The following PDCD1 variants were observed in gnomAD, a reference collection of about 807,000 sequenced individuals.
PDCD1 encodes programmed cell death 1, also known as programmed cell death protein 1.
PDCD1 carries 10 observed loss-of-function variants against 23.6 expected under a neutral mutation model. The observed-to-expected ratio is 0.42, with a 90% CI of 0.26 to 0.72. PDCD1 has a LOEUF of 0.72. PDCD1 is among the 30% of genes least tolerant of loss of function. PDCD1 has a pLI of 0.24. For synonymous variants in PDCD1, 168 were observed against 169.3 expected (o/e 0.99, Z 0.06); for missense variants, 313 against 397.8 (o/e 0.79, Z 1.81).
At chr2:241,858,080 C>A (rs942831112) in intron 1 of PDCD1, among the ~76,000 whole-genome samples, 4 of 152,184 alleles carry the variant, frequency 2.6e-5, no homozygotes, top group Non-Finnish European at 5.9e-5. Context: ...AGGCCTCCCC[C>A]ACGGATGGTC....
intron 1 of PDCD1, among the ~76,000 whole-genome samples, chr2:241,855,464 G>C (rs1388209858): frequency 6.6e-6 from 1 of 152,246 alleles, no homozygotes; most frequent in South Asian, 2.1e-4. Context: ...TAGATTTGGG[G>C]TGTTTCTATG....
Position 241,850,974 on chromosome 2 carries a change from A to G in PDCD1, c.*84T>C. The G allele has an allele frequency of 2.6e-6, 4 of 1,516,458 alleles. No individual in the cohort carries two copies. The South Asian group carries it at 3.9e-5, about 15-fold the overall frequency. The allele number at this position is 1,516,458 out of a possible 1,614,324, so 93.9% of individuals were successfully genotyped here. ...CCCTGGACGGCCTGCAATGGCCTGC[A>G]CCCTGCCTGCTTCTCCTGAGGAAAT... On this transcript the variant is annotated 3_prime_UTR_variant, in exon 5 of 5. Transcript: ENST00000334409.
chr2:241,850,976 C>G lies in PDCD1; in HGVS notation c.*82G>C. ...CTGGACGGCCTGCAATGGCCTGCAC[C>G]CTGCCTGCTTCTCCTGAGGAAATGC... is the stretch of plus-strand genomic sequence containing the variant. On this transcript the variant is annotated 3_prime_UTR_variant, in exon 5 of 5. Transcript: ENST00000334409. 6.6e-7 allele frequency: 1 copy of G among 1,520,424 alleles called. No individual in the cohort carries two copies. 94.2% of individuals were successfully genotyped at this position (1,520,424 alleles called of 1,614,324 possible).
At chr2:241,855,667 G>A (rs754052371) in intron 1 of PDCD1, among the ~76,000 whole-genome samples, 14 of 152,194 alleles carry the variant, frequency 9.2e-5, no homozygotes, top group African/African-American at 2.4e-4. Context: ...TTCCAGAAGC[G>A]CACAGAAGAA....
In PDCD1 at chr2:241,850,874, G is replaced by A; in HGVS notation, c.*184C>T. 1 of 712,036 alleles carries A rather than the reference G, an allele frequency of 1.4e-6. No individual in the cohort carries two copies. Among genetic ancestry groups the A allele is most frequent in the Non-Finnish European group, 2.3e-6 (1 of 432,562 alleles). 44.1% of individuals were successfully genotyped at this position (712,036 alleles called of 1,614,324 possible). On this transcript the variant is annotated 3_prime_UTR_variant, in exon 5 of 5. Transcript: ENST00000334409. ...TGCCTGGGCTCACTGTGGGCATTGA[G>A]ACATGAGTCCTGTGGTGGGGCTGTG...
intron 3 of PDCD1, 21 bp from the exon 4 acceptor site, chr2:241,852,004 G>A: frequency 6.2e-7 from 1 of 1,612,048 alleles, no homozygotes; most frequent in Admixed American, 1.7e-5. Context: ...ACACACTTGG[G>A]GTCACCAGGC....
At chr2:241,858,066 G>T (rs189790924) in intron 1 of PDCD1, among the ~76,000 whole-genome samples, 5 of 152,280 alleles carry the variant, frequency 3.3e-5, no homozygotes, top group East Asian at 3.9e-4. Context: ...GGAGAGTGAG[G>T]CCAAGGCCTC....
At position 241,851,313 on chromosome 2, in the gene PDCD1, G is replaced by C. The variant is rs1305223826; in HGVS notation, c.628-16C>G. Reference sequence around the variant, plus strand: ...GGTCCTCCTTCTTTGAGGAGAAAGGGAGAGGGAGTCAGCCCCACGGCCCAC... The same window carrying C: ...GGTCCTCCTTCTTTGAGGAGAAAGGCAGAGGGAGTCAGCCCCACGGCCCAC... On this transcript the variant is annotated splice_polypyrimidine_tract_variant and intron_variant, in intron 4 of 4. Transcript: ENST00000334409. 14 of 1,593,056 alleles carry C rather than the reference G, an allele frequency of 8.8e-6. No individual in the cohort carries two copies. Among genetic ancestry groups the C allele is most frequent in the Non-Finnish European group, 1.2e-5 (14 of 1,167,046 alleles).
At chr2:241,857,212 C>T (rs755472371) in intron 1 of PDCD1, among the ~76,000 whole-genome samples, 25 of 152,198 alleles carry the variant, frequency 1.6e-4, no homozygotes, top group African/African-American at 3.1e-4. Flanking sequence ...AAGACCACTG[C>T]GGCCGGGGTG....
rs1290292819 is a variant in PDCD1, at chr2:241,850,031, G to C, written c.*1027C>G. ...GTGGGGGTGCAGTGTGTGGATGTGA[G>C]GAGTGGATAGGCCACGGCGGGGGTA... On this transcript the variant is annotated 3_prime_UTR_variant, in exon 5 of 5. Coordinates refer to ENST00000334409, the MANE Select transcript of PDCD1 (RefSeq NM_005018.3). The C allele has an allele frequency of 8.8e-6, 2 of 227,212 alleles. No homozygotes were observed. Among genetic ancestry groups the C allele is most frequent in the East Asian group, 6.2e-5 (1 of 16,022 alleles). 14.1% of individuals were successfully genotyped at this position (227,212 alleles called of 1,614,324 possible).
intron 1 of PDCD1, among the ~76,000 whole-genome samples, chr2:241,856,473 A>G (rs1449322838): frequency 2.0e-5 from 3 of 152,214 alleles, no homozygotes; most frequent in Non-Finnish European, 4.4e-5. Flanking sequence ...ACGTTTTTGT[A>G]TATTTTTCAA....
chr2:241,853,521 G>A (rs7420347), intron 1 of PDCD1, among the ~76,000 whole-genome samples: 2 of 152,186 alleles, frequency 1.3e-5, no homozygotes, highest in South Asian at 4.1e-4. Context: ...CCTGGGCAGT[G>A]GGCAGTGGGG....
At chr2:241,852,470 G>A (rs1277828059) in intron 2 of PDCD1, 117 bp from the exon 3 acceptor site, 3 of 1,161,012 alleles carry the variant, frequency 2.6e-6, no homozygotes, top group African/African-American at 1.5e-5. Context: ...AGAGATGCCG[G>A]TCACCATTCC....
In PDCD1 at chr2:241,850,274, C is replaced by T. The variant is rs370227969; in HGVS notation, c.*784G>A. ...AGCCCTGCCCTCCTGACCTTGGGAC[C>T]GTAGGATGTCCCTCTCCCGAGTGGT... On this transcript the variant is annotated 3_prime_UTR_variant, in exon 5 of 5. Coordinates refer to ENST00000334409, the MANE Select transcript of PDCD1 (RefSeq NM_005018.3). 3.9e-5 allele frequency: 9 copies of T among 233,600 alleles called. No individual in the cohort carries two copies. Among genetic ancestry groups the T allele is most frequent in the African/African-American group, 6.6e-5 (3 of 45,334 alleles). The allele number at this position is 233,600 out of a possible 1,614,324, so 14.5% of individuals were successfully genotyped here.
At chr2:241,858,083 G>A (rs920004206) in intron 1 of PDCD1, among the ~76,000 whole-genome samples, 15 of 152,170 alleles carry the variant, frequency 9.9e-5, no homozygotes, top group African/African-American at 3.1e-4. Context: ...CCTCCCCCAC[G>A]GATGGTCTGA....
In PDCD1 at chr2:241,851,233, C is replaced by T. The variant is rs750496363; in HGVS notation, c.692G>A (p.Arg231Gln). ...VDYGELDFQW[R>Q]EKTPEPPVPC... ...CACGGGGGGCTCCGGGGTCTTCTCT[C>T]GCCACTGGAAATCCAGCTCCCCATA... is the stretch of plus-strand genomic sequence containing the variant. Residue 231 changes from arginine to glutamine, a missense_variant, in exon 5 of 5, where the codon CGA (arginine) becomes CAA (glutamine). Arg to Gln is a conservative substitution (Grantham distance 43). Transcript: ENST00000334409. 5.6e-6 allele frequency: 9 copies of T among 1,613,714 alleles called. No homozygotes were observed. Among genetic ancestry groups the T allele is most frequent in the East Asian group, 2.2e-5 (1 of 44,900 alleles).
At chr2:241,851,391 C>G in intron 4 of PDCD1, 94 bp from the exon 5 acceptor site, 2 of 1,332,694 alleles carry the variant, frequency 1.5e-6, no homozygotes, top group Admixed American at 4.6e-5. Context: ...CGGCACCGAA[C>G]CTGGGCCCCC....
At chr2:241,853,051 C>A (rs1044258989) in intron 1 of PDCD1, 71 bp from the exon 2 acceptor site, 4 of 1,494,132 alleles carry the variant, frequency 2.7e-6, no homozygotes, top group African/African-American at 1.4e-5. Flanking sequence ...CTGCTCACAT[C>A]CCTCGGGCAG....
At chr2:241,854,373 G>A (rs755913832) in intron 1 of PDCD1, among the ~76,000 whole-genome samples, 2 of 152,222 alleles carry the variant, frequency 1.3e-5, no homozygotes, top group Non-Finnish European at 2.9e-5. Context: ...CTCTGAGACC[G>A]CCCTTGTCTG....
Sources: gnomAD v4.1 joint callset for allele counts (sites outside exome capture counted in the v4.1 genomes callset) on GRCh38, gnomAD v4.1.1 for gene constraint, MANE v1.5 for transcripts, NCBI Gene and HGNC (gene_info 2026-07-23, HGNC 2026-07-21) for gene names.